FAM20C: variants seen among roughly 807,000 people sequenced by gnomAD.
The protein encoded by FAM20C is extracellular serine/threonine protein kinase FAM20C.
A neutral mutation model predicts 51.5 loss-of-function variants in FAM20C; 40 were observed. The observed-to-expected ratio is 0.78, with a 90% CI of 0.60 to 1.01. The LOEUF (loss-of-function observed/expected upper bound fraction) is 1.01, where lower values mean the gene tolerates loss of function less well. FAM20C is among the 50% of genes least tolerant of loss of function. The probability of loss-of-function intolerance (pLI) is 0.00; values close to 1 mark genes in which losing one functional copy is unlikely to be tolerated. For missense variants in FAM20C, 861 were observed against 844.7 expected (o/e 1.02, Z -0.24); for synonymous variants, 406 against 380.6 (o/e 1.07, Z -0.78).
intron 6 of FAM20C, 197 bp from the exon 7 acceptor site, chr7:256,457 C>T (rs1583344176): frequency 3.3e-6 from 2 of 602,136 alleles, no homozygotes; most frequent in East Asian, 2.8e-5. Context: ...GTGGGGTCAC[C>T]CCGAGGCAGG....
At chr7:259,685 C>A (rs879036548) in intron 9 of FAM20C, 46 bp from the exon 10 acceptor site, 1 of 1,484,446 alleles carries the variant, frequency 6.7e-7, no homozygotes, top group South Asian at 1.3e-5. Flanking sequence ...CGTGGGCAGG[C>A]ATCTCCCCTG....
Position 248,380 on chromosome 7 carries a change from G to A in FAM20C, c.1022G>A (p.Arg341Gln). 5 of 1,537,190 alleles carry A rather than the reference G, an allele frequency of 3.3e-6. No individual in the cohort carries two copies. The highest frequency in any genetic ancestry group is 2.4e-5 in the South Asian group (2 of 84,060). The change falls in exon 5 of 10, where the codon CGG becomes CAG. Residue 341 changes from arginine to glutamine, a missense_variant. Around this residue, in one of 3 missense-constraint regions of FAM20C, gnomAD observed 31 missense variants for 61.1 expected, o/e 0.51. Transcript: ENST00000313766. ...ATGGTCAACATGACCAAGGAGATCC[G>A]GGACGTCACACGGGACAAGAAGCTC... ...GRMVNMTKEIRDVTRDKKLWR... is the reference protein window; with the variant it reads ...GRMVNMTKEIQDVTRDKKLWR...
chr7:203,191 G>T (rs1786209693), intron 2 of FAM20C, among the ~76,000 whole-genome samples: 2 of 152,226 alleles, frequency 1.3e-5, no homozygotes, highest in Admixed American at 6.5e-5. Context: ...TCCCCAGGCT[G>T]GGGTTGGGCA....
chr7:193,457 C>T lies in FAM20C; in HGVS notation c.258C>T (p.His86=). 1 of 1,472,914 alleles carries T rather than the reference C, an allele frequency of 6.8e-7. No homozygotes were observed. Among genetic ancestry groups the T allele is most frequent in the Non-Finnish European group, 9.0e-7 (1 of 1,105,776 alleles). 91.2% of individuals were successfully genotyped at this position (1,472,914 alleles called of 1,614,324 possible). ...GCGACGCGGGCTGGCCCAACAAGCA[C>T]ACGCTCCGCATCCTGCAGGACTTCA... ...AAGDAGWPNK[H]TLRILQDFSS... is the part of the protein sequence containing the mutation. The change falls in exon 1 of 10, where the codon CAC becomes CAT. Residue 86 remains histidine (H), a synonymous_variant. Transcript: ENST00000313766.
intron 8 of FAM20C, among the ~76,000 whole-genome samples, chr7:258,380 G>T (rs1288447421): frequency 2.7e-5 from 3 of 111,262 alleles, no homozygotes; most frequent in African/African-American, 3.1e-5. Context: ...AGATGGGCAG[G>T]GTGGACCCAC....
chr7:214,554 A>G (rs748697297), intron 3 of FAM20C, among the ~76,000 whole-genome samples: 36 of 152,302 alleles, frequency 2.4e-4, no homozygotes, highest in Non-Finnish European at 4.3e-4. Flanking sequence ...GGCTTTAGGA[A>G]ACACCACGTA....
chr7:205,602 G>A (rs1302910389), intron 2 of FAM20C, among the ~76,000 whole-genome samples: 1 of 152,188 alleles, frequency 6.6e-6, no homozygotes, highest in Non-Finnish European at 1.5e-5. Context: ...GACACCGCAG[G>A]AGGCCGAGCA....
chr7:242,764 TGGAC>T (rs1787984985), intron 3 of FAM20C, among the ~76,000 whole-genome samples: 2 of 152,080 alleles, frequency 1.3e-5, no homozygotes, highest in African/African-American at 4.8e-5. Flanking sequence ...GCTGCCGAGT[TGGAC>T]AGCGCAGAAG....
intron 3 of FAM20C, among the ~76,000 whole-genome samples, chr7:233,179 G>T (rs941158440): frequency 7.2e-5 from 11 of 152,214 alleles, no homozygotes; most frequent in African/African-American, 2.7e-4. Context: ...GGGGGCTCCC[G>T]TGAGGACGCG....
chr7:202,454 C>T (rs1328023611), intron 2 of FAM20C, among the ~76,000 whole-genome samples: 2 of 108,218 alleles, frequency 1.8e-5, no homozygotes, highest in South Asian at 3.2e-4. Flanking sequence ...AATGGGGGGG[C>T]GCTATGGATA....
chr7:198,555 GAGTGGGTTTAA>G (rs2115045943), intron 2 of FAM20C, among the ~76,000 whole-genome samples: 1 of 152,342 alleles, frequency 6.6e-6, no homozygotes, highest in Admixed American at 6.5e-5. Flanking sequence ...TGAGGAACAG[GAGTGGGTTTAA>G]TTATGGGGTT....
chr7:248,427 C>A lies in FAM20C; in HGVS notation c.1069C>A (p.Pro357Thr). The change falls in exon 5 of 10, where the codon CCA (proline) becomes ACA (threonine). Residue 357 changes from proline to threonine, a missense_variant. Around this residue, in one of 3 missense-constraint regions of FAM20C, gnomAD observed 31 missense variants for 61.1 expected, o/e 0.51. Transcript: ENST00000313766. Reference sequence around the variant, plus strand: ...GCTCTGGAGGACCTTCTTCATCTCTCCAGGTAGCCTGGCACGGGGGCCCGC... The same window carrying A: ...GCTCTGGAGGACCTTCTTCATCTCTACAGGTAGCCTGGCACGGGGGCCCGC... ...KKLWRTFFIS[P>T]ANNICFYGEC... 3 of 1,536,120 alleles carry A rather than the reference C, an allele frequency of 2.0e-6. No homozygotes were observed. The highest frequency in any genetic ancestry group is 2.6e-6 in the Non-Finnish European group (3 of 1,146,102).
rs1302014123 is a variant in FAM20C at position 193,083 on chromosome 7, T to A, written c.-117T>A. On this transcript the variant is annotated 5_prime_UTR_variant, in exon 1 of 10. The change abolishes the stop of an existing upstream ORF in the 5' untranslated region. Transcript: ENST00000313766. ...GGCCCGGGGACAGCCCCGGAGCTGG[T>A]AGCCGCCCGGCACCGATGGACCTTG... 1 of 906,754 alleles carries A rather than the reference T, an allele frequency of 1.1e-6. No homozygotes were observed. Among genetic ancestry groups the A allele is most frequent in the Admixed American group, 4.9e-5 (1 of 20,584 alleles). The allele number at this position is 906,754 out of a possible 1,614,324, so 56.2% of individuals were successfully genotyped here. A position where few individuals can be genotyped will look rare whatever the true frequency, so the allele number is the denominator to read the frequency against.
intron 3 of FAM20C, among the ~76,000 whole-genome samples, chr7:217,254 C>T (rs1286546983): frequency 2.6e-5 from 4 of 152,088 alleles, no homozygotes; most frequent in Admixed American, 2.0e-4. Context: ...GTGGGGCCTT[C>T]TGCGGGACCT....
rs376484550 is a variant in FAM20C, at chr7:255,150, T to C, written c.1073-699T>C. Among the ~76,000 whole-genome samples the C allele has an allele frequency of 1.1e-4, 16 of 152,340 alleles. No homozygotes were observed. In the East Asian group the frequency reaches 2.3e-3, roughly 22 times the overall value. ...GGTCACGTGGAAACACTGTGTTTAA[T>C]CAGTTGGGGGCTGCAGACCGTTTCC... On this transcript the variant is annotated intron_variant, in intron 5 of 9. Transcript: ENST00000313766.
intron 5 of FAM20C, among the ~76,000 whole-genome samples, chr7:249,174 G>T (rs144734720): frequency 6.6e-6 from 1 of 151,852 alleles, no homozygotes; most frequent in African/African-American, 2.4e-5. Context: ...CTCCCCACTC[G>T]GACTTAAACA....
chr7:225,905 T>C (rs28723526), intron 3 of FAM20C, among the ~76,000 whole-genome samples: 933 of 8,826 alleles, frequency 0.11, 318 homozygotes, highest in South Asian at 0.41. Context: ...CTGAGCAGAA[T>C]GGCACCGTCA....
At chr7:204,292 G>A (rs974755234) in intron 2 of FAM20C, among the ~76,000 whole-genome samples, 1 of 152,220 alleles carries the variant, frequency 6.6e-6, no homozygotes, top group East Asian at 1.9e-4. Flanking sequence ...CCCGCCTGAG[G>A]CTGGCGTTCA....
chr7:232,575 T>C (rs1030488203), intron 3 of FAM20C, among the ~76,000 whole-genome samples: 1 of 152,360 alleles, frequency 6.6e-6, no homozygotes, highest in African/African-American at 2.4e-5. Flanking sequence ...CTCATAGGCA[T>C]TGGTAATAAG....
Sources: allele counts gnomAD v4.1 joint callset (sites outside exome capture counted in the v4.1 genomes callset), GRCh38; gene constraint gnomAD v4.1.1; regional missense constraint gnomAD v4.1.1; transcripts MANE v1.5; gene names NCBI Gene and HGNC (gene_info 2026-07-23, HGNC 2026-07-21).